Variants in POLK observed in about 807,000 individuals in gnomAD.
POLK encodes the protein DNA polymerase kappa.
POLK carries 76 observed loss-of-function variants against 94.0 expected under a neutral mutation model. The observed-to-expected ratio is 0.81, with a 90% CI of 0.67 to 0.98. POLK has a LOEUF of 0.98. POLK is among the 50% of genes least tolerant of loss of function. POLK has a pLI of 0.00. For missense variants in POLK, 954 were observed against 1,010.1 expected (o/e 0.94, Z 0.75); for synonymous variants, 349 against 325.4 (o/e 1.07, Z -0.78).
intron 1 of POLK, 170 bp downstream of exon 1, chr5:75,512,084 C>G (rs5744542): frequency 3.1e-6 from 1 of 317,782 alleles, no homozygotes; most frequent in African/African-American, 2.2e-5. Context: ...GAGCTTTCCG[C>G]TGAAGATGAC....
At chr5:75,521,569 A>G (rs3094246) in intron 1 of POLK, among the ~76,000 whole-genome samples, 4,279 of 152,254 alleles carry the variant, frequency 0.028, 86 homozygotes, top group Non-Finnish European at 0.042. Context: ...GAGCTCACAT[A>G]TCACTCTCTC....
upstream of POLK, chr5:75,511,248 T>A (rs757255215): frequency 6.2e-7 from 1 of 1,606,230 alleles, no homozygotes; most frequent in Non-Finnish European, 8.5e-7. Context: ...CCCCGCTCCC[T>A]CAGCTGCGCC....
At chr5:75,609,256 T>C in the POLK span, 1 of 151,920 alleles carries the variant, frequency 6.6e-6, no homozygotes, top group East Asian at 1.9e-4. Context: ...TATTTTTTAT[T>C]TATATTAAAA....
chr5:75,565,962 C>T (rs1409557691), intron 3 of POLK, among the ~76,000 whole-genome samples: 1 of 152,234 alleles, frequency 6.6e-6, no homozygotes, highest in African/African-American at 2.4e-5. Context: ...AAGCTGTGCC[C>T]ACAACTGCCC....
intron 11 of POLK, among the ~76,000 whole-genome samples, chr5:75,591,892 G>A (rs543516520): frequency 1.3e-5 from 2 of 152,282 alleles, no homozygotes; most frequent in African/African-American, 2.4e-5. Context: ...CTATCATGGG[G>A]TGTATAATAG....
intron 4 of POLK, 35 bp from the exon 5 acceptor site, chr5:75,573,703 G>A: frequency 1.3e-6 from 2 of 1,572,364 alleles, no homozygotes; most frequent in Non-Finnish European, 1.8e-6. Flanking sequence ...ATTTAGGTTT[G>A]TGTATTTTTT....
chr5:75,542,135 A>T (rs1561352003), intron 1 of POLK, among the ~76,000 whole-genome samples: 3 of 152,230 alleles, frequency 2.0e-5, no homozygotes, highest in African/African-American at 7.2e-5. Flanking sequence ...TCAAAGTATT[A>T]AATATTTGAA....
chr5:75,530,678 T>C (rs1769129551), intron 1 of POLK, among the ~76,000 whole-genome samples: 2 of 151,980 alleles, frequency 1.3e-5, no homozygotes, highest in African/African-American at 4.8e-5. Flanking sequence ...TTAACTGATA[T>C]ATTGTTATTA....
At chr5:75,570,035 A>T (rs1771510827) in intron 4 of POLK, among the ~76,000 whole-genome samples, 1 of 152,208 alleles carries the variant, frequency 6.6e-6, no homozygotes, top group South Asian at 2.1e-4. Flanking sequence ...ATTATATATT[A>T]CAATGTAATT....
chr5:75,595,146 A>G (rs1023205335), intron 12 of POLK, among the ~76,000 whole-genome samples: 1 of 148,676 alleles, frequency 6.7e-6, no homozygotes, highest in African/African-American at 2.5e-5. Flanking sequence ...CAGCTACTTG[A>G]GAGGCTGAGG....
chr5:75,577,051 C>T (rs1279292092), intron 6 of POLK, 118 bp downstream of exon 6: 2 of 519,074 alleles, frequency 3.9e-6, no homozygotes, highest in East Asian at 3.5e-5. Context: ...AGATATGTAC[C>T]TTTATAAAAA....
At chr5:75,600,620 C>A (rs1308236861) in exon 15 of POLK, 3 of 152,096 alleles carry the variant, frequency 2.0e-5, no homozygotes, top group African/African-American at 7.2e-5. Flanking sequence ...AGCAGCACTG[C>A]AATATCCAAA....
intron 1 of POLK, among the ~76,000 whole-genome samples, chr5:75,529,010 G>C (rs993782345): frequency 6.6e-6 from 1 of 152,266 alleles, no homozygotes; most frequent in Non-Finnish European, 1.5e-5. Context: ...CCTTTATATA[G>C]TATTCCATAG....
At chr5:75,559,505 G>GTGTTTTTTTT (rs1770841207) in intron 3 of POLK, among the ~76,000 whole-genome samples, 2 of 70,080 alleles carry the variant, frequency 2.9e-5, no homozygotes, top group African/African-American at 9.7e-5. Context: ...TTTGGGGTTT[G>GTGTTTTTTTT]TTTTTTTGTT....
At chr5:75,549,939 C>T (rs923899534) in intron 2 of POLK, among the ~76,000 whole-genome samples, 2 of 151,944 alleles carry the variant, frequency 1.3e-5, no homozygotes, top group Non-Finnish European at 2.9e-5. Context: ...CAAGAAGATA[C>T]AGAGAATCTA....
intron 1 of POLK, among the ~76,000 whole-genome samples, chr5:75,546,438 C>T (rs1452850326): frequency 6.6e-6 from 1 of 152,104 alleles, no homozygotes; most frequent in African/African-American, 2.4e-5. Context: ...TGGATCCTCT[C>T]AGTTCAAACC....
At chr5:75,535,257 T>A (rs1769384812) in intron 1 of POLK, among the ~76,000 whole-genome samples, 1 of 152,246 alleles carries the variant, frequency 6.6e-6, no homozygotes, top group African/African-American at 2.4e-5. Context: ...GAAAATTTTT[T>A]TTTAAAGAAT....
At chr5:75,583,106 C>A (rs1772286485) in intron 7 of POLK, 187 bp from the exon 8 acceptor site, 2 of 445,666 alleles carry the variant, frequency 4.5e-6, no homozygotes, top group South Asian at 8.5e-5. Context: ...GTAACTAGTA[C>A]AATTTATTTT....
intron 1 of POLK, among the ~76,000 whole-genome samples, chr5:75,518,523 CTTTT>C (rs1205424820): frequency 1.3e-5 from 2 of 151,644 alleles, no homozygotes; most frequent in East Asian, 1.9e-4. Context: ...AATTTTCTTT[CTTTT>C]ATTTGTCTAA....
Sources: gnomAD v4.1 joint callset for allele counts (sites outside exome capture counted in the v4.1 genomes callset) on GRCh38, gnomAD v4.1.1 for gene constraint, MANE v1.5 for transcripts, NCBI Gene and HGNC (gene_info 2026-07-23, HGNC 2026-07-21) for gene names.